Variants in SMC5 observed in about 807,000 individuals in gnomAD.
The protein encoded by SMC5 is structural maintenance of chromosomes 5.
Under a neutral mutation model 148.3 loss-of-function variants are expected in SMC5, and 88 were observed. The observed-to-expected ratio is 0.59, with a 90% CI of 0.50 to 0.71. The LOEUF (loss-of-function observed/expected upper bound fraction) is 0.71. Among genes scored for constraint, SMC5 ranks in the 30% least tolerant of loss-of-function variants. The pLI, the probability that SMC5 is intolerant of heterozygous loss-of-function variation, is 0.00. For missense variants in SMC5, 1,142 were observed against 1,298.9 expected, an observed-to-expected ratio of 0.88 and a Z score of 1.86; for synonymous variants, 421 against 432.8, an observed-to-expected ratio of 0.97 and a Z score of 0.34.
chr9:70,290,913 T>C lies in SMC5; in HGVS notation c.1053+4642T>C, dbSNP rs907390842. Among the ~76,000 whole-genome samples, 3 of 152,296 alleles carry C rather than the reference T, an allele frequency of 2.0e-5. No individual in the cohort carries two copies. In the East Asian group the frequency reaches 5.8e-4, roughly 29 times the overall value. On this transcript the variant is annotated intron_variant, in intron 8 of 24. Transcript: ENST00000361138. ...TTGTCTTATAAGTCCATTTCTGTACTTCCTCAGGTACTTTTTCTGTTGACT... is the reference window on the plus strand; with the variant it reads ...TTGTCTTATAAGTCCATTTCTGTACCTCCTCAGGTACTTTTTCTGTTGACT...
At chr9:70,334,624 A>T (rs1046780554) in intron 17 of SMC5, among the ~76,000 whole-genome samples, 6 of 151,926 alleles carry the variant, frequency 3.9e-5, no homozygotes, top group African/African-American at 1.2e-4. Context: ...AGAGAGAGAG[A>T]GTGTGTGTAT....
chr9:70,280,744 A>G lies in SMC5; in HGVS notation c.679-15A>G. The G allele has an allele frequency of 1.3e-6, 2 of 1,599,636 alleles. No individual in the cohort carries two copies. The highest frequency in any genetic ancestry group is 1.7e-6 in the Non-Finnish European group (2 of 1,176,098). On this transcript the variant is annotated splice_polypyrimidine_tract_variant and intron_variant, in intron 5 of 24. Coordinates refer to ENST00000361138, the MANE Select transcript of SMC5 (RefSeq NM_015110.4). ...TTTTCTGTCAAACTGATTGTTCAAC[A>G]TATATTTATTGTAGACCTCATGCAA... is the stretch of plus-strand genomic sequence containing the variant.
chr9:70,339,570 C>A (rs1317684082), intron 17 of SMC5, among the ~76,000 whole-genome samples: 4 of 152,210 alleles, frequency 2.6e-5, no homozygotes, highest in African/African-American at 7.2e-5. Flanking sequence ...TTATCTATCT[C>A]ATCTGTTCCT....
intron 20 of SMC5, 114 bp from the exon 21 acceptor site, chr9:70,347,499 C>T (rs140849779): frequency 1.7e-6 from 1 of 602,972 alleles, no homozygotes; most frequent in Admixed American, 3.6e-5. Flanking sequence ...TATTTGCATA[C>T]AAACAATGCA....
At chr9:70,262,143 G>A (rs1451187758) in intron 1 of SMC5, among the ~76,000 whole-genome samples, 6 of 152,180 alleles carry the variant, frequency 3.9e-5, no homozygotes, top group Non-Finnish European at 8.8e-5. Context: ...AATGTAAATG[G>A]CCTGGAAGAG....
chr9:70,287,487 T>G (rs1306953682), intron 8 of SMC5, among the ~76,000 whole-genome samples: 1 of 152,158 alleles, frequency 6.6e-6, no homozygotes, highest in African/African-American at 2.4e-5. Flanking sequence ...AATATATGTG[T>G]GTTTCTATTC....
chr9:70,338,403 G>A (rs1168048016), intron 17 of SMC5, among the ~76,000 whole-genome samples: 3 of 151,910 alleles, frequency 2.0e-5, no homozygotes, highest in African/African-American at 7.3e-5. Flanking sequence ...GCCCAATTTA[G>A]CCATTACCAC....
chr9:70,317,614 G>C (rs557250311), intron 13 of SMC5, among the ~76,000 whole-genome samples: 1 of 152,174 alleles, frequency 6.6e-6, no homozygotes, highest in South Asian at 2.1e-4. Context: ...TATTACAATA[G>C]TATCTGAAGG....
At chr9:70,328,529 A>AT (rs2036143910) in intron 17 of SMC5, among the ~76,000 whole-genome samples, 1 of 152,222 alleles carries the variant, frequency 6.6e-6, no homozygotes, top group African/African-American at 2.4e-5. Context: ...TCAAGGCCAC[A>AT]CTGATGCAAG....
intron 3 of SMC5, among the ~76,000 whole-genome samples, chr9:70,272,137 T>C (rs2034465517): frequency 6.6e-6 from 1 of 152,176 alleles, no homozygotes; most frequent in African/African-American, 2.4e-5. Context: ...ATGAATTATA[T>C]ACAGAGTATG....
intron 11 of SMC5, among the ~76,000 whole-genome samples, chr9:70,313,486 T>C (rs2035713525): frequency 6.6e-6 from 1 of 151,984 alleles, no homozygotes; most frequent in African/African-American, 2.4e-5. Context: ...TAGTTGTTTT[T>C]TTTGTTTTGT....
chr9:70,317,124 GAAGATA>G (rs1176922578), intron 13 of SMC5, among the ~76,000 whole-genome samples: 1 of 152,060 alleles, frequency 6.6e-6, no homozygotes, highest in Non-Finnish European at 1.5e-5. Context: ...CTATCTTTCA[GAAGATA>G]TAAACCTTTA....
At chr9:70,305,219 T>G (rs1203709394) in intron 10 of SMC5, 28 bp from the exon 11 acceptor site, 1 of 1,048,596 alleles carries the variant, frequency 9.5e-7, no homozygotes. Flanking sequence ...TTTCATGAAA[T>G]TCGACCTTTT....
chr9:70,267,458 C>T (rs920333702), intron 2 of SMC5, among the ~76,000 whole-genome samples: 5 of 152,060 alleles, frequency 3.3e-5, no homozygotes, highest in Non-Finnish European at 7.4e-5. Flanking sequence ...GTAATATTAG[C>T]GTGGTTGTTA....
At chr9:70,281,301 C>A (rs2034744190) in intron 6 of SMC5, among the ~76,000 whole-genome samples, 1 of 152,088 alleles carries the variant, frequency 6.6e-6, no homozygotes, top group African/African-American at 2.4e-5. Context: ...CTCGGCCTCC[C>A]AAAATACTGA....
At chr9:70,330,363 C>T (rs1371246441) in intron 17 of SMC5, among the ~76,000 whole-genome samples, 1 of 151,924 alleles carries the variant, frequency 6.6e-6, no homozygotes, top group East Asian at 1.9e-4. Context: ...AGCAAAAGTA[C>T]CCCCAGTTGA....
chr9:70,322,956 A>T (rs1049328734), intron 15 of SMC5, among the ~76,000 whole-genome samples: 1 of 151,944 alleles, frequency 6.6e-6, no homozygotes, highest in South Asian at 2.1e-4. Context: ...ACCCATTCCA[A>T]CTTATCTCCC....
At chr9:70,314,520 A>C (rs2035744838) in intron 11 of SMC5, among the ~76,000 whole-genome samples, 1 of 151,856 alleles carries the variant, frequency 6.6e-6, no homozygotes, top group Non-Finnish European at 1.5e-5. Flanking sequence ...TTTCACCTGA[A>C]AATATTTTGG....
intron 3 of SMC5, among the ~76,000 whole-genome samples, chr9:70,271,687 T>C (rs957325178): frequency 1.3e-5 from 2 of 152,176 alleles, no homozygotes; most frequent in African/African-American, 4.8e-5. Flanking sequence ...AGTGGAGTTT[T>C]ACAGTTTTAA....
Sources: allele counts gnomAD v4.1 joint callset (sites outside exome capture counted in the v4.1 genomes callset), GRCh38; gene constraint gnomAD v4.1.1; transcripts MANE v1.5; gene names NCBI Gene and HGNC (gene_info 2026-07-23, HGNC 2026-07-21).